CCDC169: variants seen among roughly 807,000 people sequenced by gnomAD.
CCDC169 encodes coiled-coil domain-containing protein 169.
A neutral mutation model predicts 36.0 loss-of-function variants in CCDC169; 30 were observed. The ratio of observed to expected loss-of-function variants is 0.83; its 90% CI spans 0.62 to 1.13. The LOEUF (loss-of-function observed/expected upper bound fraction) is 1.13. Ranked by LOEUF, CCDC169 falls within the 50% of genes most tolerant of loss-of-function variation. The probability of loss-of-function intolerance (pLI) is 0.00; values close to 1 mark genes in which losing one functional copy is unlikely to be tolerated. For missense variants in CCDC169, 245 were observed against 245.9 expected (o/e 1.00, Z 0.03); for synonymous variants, 85 against 81.5 (o/e 1.04, Z -0.23).
intron 2 of CCDC169, among the ~76,000 whole-genome samples, chr13:36,285,768 AC>A (rs1414850201): frequency 3.3e-5 from 5 of 152,146 alleles, no homozygotes; most frequent in African/African-American, 1.2e-4. Context: ...ATTAACCCCA[AC>A]ATCAACATGG....
chr13:36,278,342 A>G (rs1337835240), intron 4 of CCDC169, among the ~76,000 whole-genome samples: 1 of 152,162 alleles, frequency 6.6e-6, no homozygotes, highest in Non-Finnish European at 1.5e-5. Flanking sequence ...CATAGTCTGA[A>G]TTTGAGCCAT....
At chr13:36,269,758 A>T (rs1037553114) in intron 4 of CCDC169, among the ~76,000 whole-genome samples, 1 of 152,224 alleles carries the variant, frequency 6.6e-6, no homozygotes, top group Non-Finnish European at 1.5e-5. Flanking sequence ...CAAACTAGAC[A>T]TAGAAGGGAC....
chr13:36,295,204 T>C (rs1194373604), intron 2 of CCDC169, among the ~76,000 whole-genome samples: 1 of 152,238 alleles, frequency 6.6e-6, no homozygotes, highest in Non-Finnish European at 1.5e-5. Context: ...TGACTTCTCA[T>C]ATCCATAATC....
intron 6 of CCDC169, among the ~76,000 whole-genome samples, chr13:36,252,091 T>C (rs368435267): frequency 4.6e-5 from 7 of 152,192 alleles, no homozygotes; most frequent in East Asian, 1.9e-4. Context: ...TCTGGTCTTT[T>C]CATCATGTCA....
At chr13:36,257,915 T>A (rs1490772208) in intron 4 of CCDC169, among the ~76,000 whole-genome samples, 1 of 151,974 alleles carries the variant, frequency 6.6e-6, no homozygotes, top group Non-Finnish European at 1.5e-5. Context: ...AATGAGTAAG[T>A]GGGTAAAGTC....
chr13:36,274,035 G>C (rs1423292668), intron 4 of CCDC169, among the ~76,000 whole-genome samples: 1 of 152,092 alleles, frequency 6.6e-6, no homozygotes, highest in Non-Finnish European at 1.5e-5. Flanking sequence ...AGAATTCCCA[G>C]AATAACCCAC....
chr13:36,248,676 C>T lies in CCDC169; in HGVS notation c.475G>A (p.Gly159Ser). The T allele has an allele frequency of 6.5e-7, 1 of 1,549,656 alleles. No individual in the cohort carries two copies. The highest frequency in any genetic ancestry group is 1.2e-5 in the South Asian group (1 of 83,912). ...TYLAEMSQGS[G>S]LHQVSKRQQV... is the part of the protein sequence containing the mutation. ...TGCCTTTTAGAAACTTGATGTAAAC[C>T]AGAACCCTGAAATACAAAAATTTGA... The change falls in exon 7 of 8, where the codon GGT becomes AGT. Residue 159 changes from glycine to serine, a missense_variant. By Grantham distance (56) the Gly-to-Ser change is moderately conservative. Transcript: ENST00000239859.
At position 36,296,356 on chromosome 13, in the gene CCDC169, G is replaced by A. The variant is rs529765326; in HGVS notation, c.84-499C>T. Among the ~76,000 whole-genome samples, 3 of 152,298 alleles carry A rather than the reference G, an allele frequency of 2.0e-5. No individual in the cohort carries two copies. The East Asian group carries it at 5.8e-4, about 29-fold the overall frequency. On this transcript the variant is annotated intron_variant, in intron 1 of 7. Transcript: ENST00000239859. Reference sequence around the variant, plus strand: ...ATCCGCCCAGCCTCGGCCTCCCAAAGTGCTGGGATTACAGGCGTGAGCCAC... The same window carrying A: ...ATCCGCCCAGCCTCGGCCTCCCAAAATGCTGGGATTACAGGCGTGAGCCAC...
chr13:36,277,543 G>A (rs1876980454), intron 4 of CCDC169, among the ~76,000 whole-genome samples: 1 of 152,042 alleles, frequency 6.6e-6, no homozygotes, highest in East Asian at 1.9e-4. Context: ...AACATACCTG[G>A]AAATTCTTGG....
intron 7 of CCDC169, among the ~76,000 whole-genome samples, chr13:36,246,901 G>A (rs1253561085): frequency 6.6e-6 from 1 of 152,132 alleles, no homozygotes; most frequent in African/African-American, 2.4e-5. Context: ...TATATATGGA[G>A]GAAACTGTGA....
At chr13:36,231,318 A>G in intron 7 of CCDC169, 26 bp from the exon 8 acceptor site, 1 of 1,548,732 alleles carries the variant, frequency 6.5e-7, no homozygotes, top group Non-Finnish European at 8.7e-7. Context: ...GTTAATCATA[A>G]TTTTTCAGTC....
intron 4 of CCDC169, chr13:36,282,704 T>G (rs1877685357): frequency 9.9e-6 from 2 of 201,366 alleles, no homozygotes; most frequent in Non-Finnish European, 1.8e-5. Context: ...AACCACATTT[T>G]CTTCAAAAAT....
intron 4 of CCDC169, chr13:36,280,556 C>T (rs1300307236): frequency 6.6e-6 from 1 of 152,196 alleles, no homozygotes. Context: ...GGATTCAAAA[C>T]TGTCCATGCG....
At chr13:36,267,958 AT>A (rs1168372886) in intron 4 of CCDC169, among the ~76,000 whole-genome samples, 1 of 152,186 alleles carries the variant, frequency 6.6e-6, no homozygotes, top group African/African-American at 2.4e-5. Context: ...TTTATAAAAC[AT>A]TTTAAAATGT....
rs145547365 is a variant in CCDC169 at position 36,290,760 on chromosome 13, G to A, written c.163+5018C>T. Among the ~76,000 whole-genome samples the A allele has an allele frequency of 3.6e-3, 547 of 152,138 alleles. 1 individual carries two copies. The highest frequency in any genetic ancestry group is 0.01 in the Middle Eastern group (3 of 294). ...TTGGCTCTTATGTTGCCTAAAAGGGGTTTTAAAGATTACTGAATACCTGCT... is the reference window on the plus strand; with the variant it reads ...TTGGCTCTTATGTTGCCTAAAAGGGATTTTAAAGATTACTGAATACCTGCT... On this transcript the variant is annotated intron_variant, in intron 2 of 7. Coordinates refer to ENST00000239859, the MANE Select transcript of CCDC169 (RefSeq NM_001144981.3).
At chr13:36,276,256 ACT>A (rs1482582097) in intron 4 of CCDC169, among the ~76,000 whole-genome samples, 19 of 152,250 alleles carry the variant, frequency 1.2e-4, no homozygotes, top group African/African-American at 4.6e-4. Context: ...CCTGAAATAT[ACT>A]CTTTTTCTAA....
intron 2 of CCDC169, among the ~76,000 whole-genome samples, chr13:36,284,350 G>A (rs1263241192): frequency 6.6e-6 from 1 of 152,060 alleles, no homozygotes. Context: ...CCTCATTTTA[G>A]AAATGTAGTC....
intron 4 of CCDC169, among the ~76,000 whole-genome samples, chr13:36,269,267 G>T (rs563380345): frequency 6.6e-6 from 1 of 152,130 alleles, no homozygotes; most frequent in Admixed American, 6.6e-5. Context: ...CAATGAGATT[G>T]AATCAGTAAT....
chr13:36,288,039 C>T (rs539347376), intron 2 of CCDC169, among the ~76,000 whole-genome samples: 7 of 151,576 alleles, frequency 4.6e-5, no homozygotes, highest in Admixed American at 3.3e-4. Context: ...GATGGAGTCT[C>T]GCTCTGTCAC....
Sources: allele counts gnomAD v4.1 joint callset (sites outside exome capture counted in the v4.1 genomes callset), GRCh38; gene constraint gnomAD v4.1.1; transcripts MANE v1.5; gene names NCBI Gene and HGNC (gene_info 2026-07-23, HGNC 2026-07-21).